Variants in TEAD1 observed in about 807,000 individuals in gnomAD.
TEAD1 encodes TEA domain transcription factor 1.
In TEAD1, 9 loss-of-function variants were observed where a neutral mutation model predicts 54.9. The ratio of observed to expected loss-of-function variants is 0.16; its 90% CI spans 0.10 to 0.29. TEAD1 has a LOEUF of 0.29. Ranked by LOEUF, TEAD1 falls within the 10% of genes least tolerant of loss-of-function variation. The pLI is 1.00. For missense variants in TEAD1, 387 were observed against 535.9 expected (o/e 0.72, Z 2.74); for synonymous variants, 200 against 187.8 (o/e 1.07, Z -0.53).
At chr11:12,727,385 C>G (rs561460167) in intron 2 of TEAD1, among the ~76,000 whole-genome samples, 11 of 152,132 alleles carry the variant, frequency 7.2e-5, no homozygotes, top group African/African-American at 2.7e-4. Context: ...AGCTGTGAAT[C>G]GGGTCCTGTG....
At chr11:12,834,656 C>G (rs1946848354) in intron 3 of TEAD1, among the ~76,000 whole-genome samples, 1 of 151,992 alleles carries the variant, frequency 6.6e-6, no homozygotes, top group Non-Finnish European at 1.5e-5. Flanking sequence ...GGGATGGGGT[C>G]TCACAGTGTT....
chr11:12,790,177 C>CT (rs1307470111), intron 3 of TEAD1, among the ~76,000 whole-genome samples: 6 of 152,210 alleles, frequency 3.9e-5, no homozygotes, highest in African/African-American at 1.4e-4. Context: ...GCCGTGCTAC[C>CT]TACAGTGCCT....
At chr11:12,706,851 A>G (rs755446757) in intron 2 of TEAD1, among the ~76,000 whole-genome samples, 47 of 152,186 alleles carry the variant, frequency 3.1e-4, no homozygotes, top group Admixed American at 5.2e-4. Context: ...CACCATCTCC[A>G]TAATGGGCCT....
chr11:12,894,298 G>C (rs1195763642), intron 9 of TEAD1, among the ~76,000 whole-genome samples: 3 of 152,106 alleles, frequency 2.0e-5, no homozygotes, highest in Admixed American at 2.0e-4. Flanking sequence ...GTGTGTCTGA[G>C]GGCACCTCGC....
At chr11:12,789,683 G>A (rs1945754486) in intron 3 of TEAD1, among the ~76,000 whole-genome samples, 1 of 152,252 alleles carries the variant, frequency 6.6e-6, no homozygotes, top group African/African-American at 2.4e-5. Flanking sequence ...CAAGCCGAGA[G>A]TCTCCTGGGC....
In TEAD1 at chr11:12,883,779, C is replaced by T. The variant is rs754497083; in HGVS notation, c.699+654C>T. ...CTGTAATCCCAGCACTTTGGGAGGC[C>T]GAGGCAGGTGGATCACGAGGTCAGG... is the stretch of plus-strand genomic sequence containing the variant. On this transcript the variant is annotated intron_variant, in intron 9 of 12. Coordinates refer to ENST00000527636, the MANE Select transcript of TEAD1 (RefSeq NM_021961.6). 1.1e-4 allele frequency among the ~76,000 whole-genome samples: 17 copies of T among 151,886 alleles called. No homozygotes were observed. The South Asian group carries it at 1.9e-3, about 17-fold the overall frequency.
At chr11:12,725,974 TCATTTACCCAACCATCCTTC>T (rs1453958365) in intron 2 of TEAD1, among the ~76,000 whole-genome samples, 2 of 152,234 alleles carry the variant, frequency 1.3e-5, no homozygotes, top group Non-Finnish European at 2.9e-5. Flanking sequence ...AGAATTCCAT[TCATTTACCCAACCATCCTTC>T]CACGCGTCCA....
intron 2 of TEAD1, among the ~76,000 whole-genome samples, chr11:12,756,095 A>C (rs914439962): frequency 3.3e-5 from 5 of 152,210 alleles, no homozygotes; most frequent in African/African-American, 1.2e-4. Flanking sequence ...AGGGATTCTC[A>C]GGAGGGTAAT....
chr11:12,742,435 G>A (rs1944666535), intron 2 of TEAD1, among the ~76,000 whole-genome samples: 5 of 152,278 alleles, frequency 3.3e-5, no homozygotes, highest in Admixed American at 3.3e-4. Context: ...AGGTTTTGGG[G>A]GTGAGAGGGT....
chr11:12,904,842 CA>C (rs1948491418), intron 10 of TEAD1: 1 of 357,844 alleles, frequency 2.8e-6, no homozygotes, highest in African/African-American at 2.2e-5. Flanking sequence ...CGTACATGAT[CA>C]CCAAACTGCT....
intron 9 of TEAD1, among the ~76,000 whole-genome samples, chr11:12,884,871 C>T (rs556235456): frequency 4.6e-5 from 7 of 152,310 alleles, no homozygotes; most frequent in African/African-American, 1.2e-4. Context: ...AGATGCCCTG[C>T]GTGACTCTGT....
rs548400290 is a variant in TEAD1 at position 12,800,512 on chromosome 11, A to G, written c.202+36078A>G. 2.0e-5 allele frequency among the ~76,000 whole-genome samples: 3 copies of G among 152,344 alleles called. No individual in the cohort carries two copies. The South Asian group carries it at 6.2e-4, about 32-fold the overall frequency. On this transcript the variant is annotated intron_variant, in intron 3 of 12. Coordinates refer to ENST00000527636, the MANE Select transcript of TEAD1 (RefSeq NM_021961.6). ...CGATGGTTCCTGCTGTGTTAGAGAT[A>G]CGTTCAGAGGGCTGATAAGGGAGGG...
chr11:12,703,779 C>A (rs1415158244), intron 2 of TEAD1, among the ~76,000 whole-genome samples: 1 of 152,170 alleles, frequency 6.6e-6, no homozygotes, highest in Non-Finnish European at 1.5e-5. Context: ...GTGAGTGGTG[C>A]CCAGCATGAA....
chr11:12,709,025 C>A (rs1943877226), intron 2 of TEAD1, among the ~76,000 whole-genome samples: 1 of 152,156 alleles, frequency 6.6e-6, no homozygotes, highest in South Asian at 2.1e-4. Context: ...ATTGTTTGAA[C>A]TGTTTATAAA....
chr11:12,744,001 G>A (rs78609862), intron 2 of TEAD1, among the ~76,000 whole-genome samples: 1 of 152,216 alleles, frequency 6.6e-6, no homozygotes, highest in East Asian at 1.9e-4. Flanking sequence ...TCGGGTACTG[G>A]AGGTGGTGTG....
At chr11:12,731,027 C>A (rs1162613790) in intron 2 of TEAD1, among the ~76,000 whole-genome samples, 1 of 151,992 alleles carries the variant, frequency 6.6e-6, no homozygotes, top group African/African-American at 2.4e-5. Context: ...TCTAACGCAT[C>A]CTGGAGGCAC....
chr11:12,695,946 A>G (rs1943571423), intron 2 of TEAD1, among the ~76,000 whole-genome samples: 1 of 152,010 alleles, frequency 6.6e-6, no homozygotes, highest in Admixed American at 6.6e-5. Flanking sequence ...CCTGCTAAGA[A>G]CTCTTCTCTG....
intron 2 of TEAD1, among the ~76,000 whole-genome samples, chr11:12,709,672 G>A (rs1943893380): frequency 6.6e-6 from 1 of 152,050 alleles, no homozygotes; most frequent in Admixed American, 6.6e-5. Flanking sequence ...ATGCCACTGC[G>A]CCTGGCTGAT....
intron 3 of TEAD1, among the ~76,000 whole-genome samples, chr11:12,836,502 A>G (rs557466012): frequency 1.3e-5 from 2 of 152,222 alleles, no homozygotes; most frequent in African/African-American, 4.8e-5. Flanking sequence ...GTTCAACTAG[A>G]CTGCTTCCTC....
Sources: gnomAD v4.1 joint callset for allele counts (sites outside exome capture counted in the v4.1 genomes callset) on GRCh38, gnomAD v4.1.1 for gene constraint, MANE v1.5 for transcripts, NCBI Gene and HGNC (gene_info 2026-07-23, HGNC 2026-07-21) for gene names.